DOCK3: variants seen among roughly 807,000 people sequenced by gnomAD.
The protein encoded by DOCK3 is dedicator of cytokinesis 3.
Under a neutral mutation model 265.6 loss-of-function variants are expected in DOCK3, and 60 were observed. That is an observed-to-expected ratio of 0.23 (90% CI 0.18 to 0.28). The LOEUF is 0.28. DOCK3 is among the 10% of genes least tolerant of loss of function. DOCK3 has a pLI of 1.00. For missense variants in DOCK3, 1,981 were observed against 2,594.3 expected, an observed-to-expected ratio of 0.76 and a Z score of 5.14; for synonymous variants, 881 against 938.0, an observed-to-expected ratio of 0.94 and a Z score of 1.11.
chr3:51,037,299 A>T (rs901527631), intron 5 of DOCK3, among the ~76,000 whole-genome samples: 4 of 152,068 alleles, frequency 2.6e-5, no homozygotes, highest in African/African-American at 9.7e-5. Context: ...TCTTTATTTA[A>T]AATTTTTTTT....
At chr3:51,296,482 T>G (rs2082084871) in intron 27 of DOCK3, among the ~76,000 whole-genome samples, 1 of 151,432 alleles carries the variant, frequency 6.6e-6, no homozygotes, top group Non-Finnish European at 1.5e-5. Flanking sequence ...TAAATTGGTT[T>G]TTTTTTTTTT....
At chr3:50,764,181 T>G (rs2040713097) in intron 1 of DOCK3, among the ~76,000 whole-genome samples, 1 of 152,158 alleles carries the variant, frequency 6.6e-6, no homozygotes, top group South Asian at 2.1e-4. Flanking sequence ...TGCTGAGTGC[T>G]TAGTCTGTAT....
chr3:51,118,227 T>C (rs2083835111), intron 9 of DOCK3, among the ~76,000 whole-genome samples: 1 of 152,238 alleles, frequency 6.6e-6, no homozygotes, highest in Non-Finnish European at 1.5e-5. Context: ...CCAGTAGTCA[T>C]TCAGGAGCAG....
intron 5 of DOCK3, among the ~76,000 whole-genome samples, chr3:51,012,436 A>G (rs2078989618): frequency 6.6e-6 from 1 of 152,010 alleles, no homozygotes; most frequent in Admixed American, 6.6e-5. Flanking sequence ...TGGGTGTGGG[A>G]CCCTCCAAGC....
intron 12 of DOCK3, among the ~76,000 whole-genome samples, chr3:51,202,741 T>C (rs58916383): frequency 0.02 from 3,020 of 151,012 alleles, 109 homozygotes; most frequent in African/African-American, 0.071. Flanking sequence ...ACCAATATCC[T>C]TGATGAACAT....
chr3:50,762,017 A>G (rs2040562677), intron 1 of DOCK3, among the ~76,000 whole-genome samples: 1 of 152,178 alleles, frequency 6.6e-6, no homozygotes, highest in African/African-American at 2.4e-5. Flanking sequence ...CAGAAAACCA[A>G]ACACCGCATG....
chr3:51,246,799 G>T lies in DOCK3; in HGVS notation c.2176G>T (p.Ala726Ser). 1 of 1,612,958 alleles carries T rather than the reference G, an allele frequency of 6.2e-7. No homozygotes were observed. Among genetic ancestry groups the T allele is most frequent in the Non-Finnish European group, 8.5e-7 (1 of 1,179,476 alleles). The change falls in exon 22 of 53, where the codon GCT (alanine) becomes TCT (serine). Residue 726 changes from alanine (A) to serine (S), a missense_variant. Ala to Ser is a moderately conservative substitution (Grantham distance 99). This residue lies in a region of DOCK3 where 1,357 missense variants were observed against 1,866.8 expected (regional missense o/e 0.73). Transcript: ENST00000266037. The part of the protein sequence containing the change: ...ELIRQDHIQE[A>S]MRALEYLFKF... ...GATTCGACAGGACCACATTCAAGAA[G>T]CTATGCGGGTAATGTACTAACCTCT...
At chr3:50,746,628 C>T (rs2039462602) in intron 1 of DOCK3, among the ~76,000 whole-genome samples, 1 of 152,116 alleles carries the variant, frequency 6.6e-6, no homozygotes, top group South Asian at 2.1e-4. Context: ...TTAATTGGTT[C>T]ACAGTTCTGC....
At position 51,015,899 on chromosome 3, in the gene DOCK3, CATATATATG is replaced by C. The variant is rs2079167199; in HGVS notation, c.316-48540_316-48532del. Among the ~76,000 whole-genome samples, 3 of 4,986 alleles carry C rather than the reference CATATATATG, an allele frequency of 6.0e-4. 1 individual carries two copies. The highest frequency in any genetic ancestry group is 2.8e-3 in the African/African-American group (3 of 1,078). 3.3% of individuals were successfully genotyped at this position (4,986 alleles called of 152,430 possible). A position where few individuals can be genotyped will look rare whatever the true frequency, so the allele number is the denominator to read the frequency against. On this transcript the variant is annotated intron_variant, in intron 5 of 52. Coordinates refer to ENST00000266037, the MANE Select transcript of DOCK3 (RefSeq NM_004947.5). ...ATATATTTCTATATATGATATATAT[CATATATATG>C]ATATATATATCATATATTTCTATAT...
chr3:50,888,136 TA>T lies in DOCK3; in HGVS notation c.163-1888del, dbSNP rs1293785176. On this transcript the variant is annotated intron_variant, in intron 3 of 52. Transcript: ENST00000266037. ...CCATTGTGTCAGCCCAAAATCTCCT[TA>T]AGCTGATAAGCAACTTCAGCAAAGT... Among the ~76,000 whole-genome samples the T allele has an allele frequency of 2.0e-5, 3 of 152,218 alleles. No individual in the cohort carries two copies. In the East Asian group the frequency reaches 5.8e-4, roughly 29 times the overall value.
At chr3:51,233,307 ATTCTTTCT>A (rs58346749) in intron 19 of DOCK3, among the ~76,000 whole-genome samples, 6 of 148,816 alleles carry the variant, frequency 4.0e-5, no homozygotes, top group Admixed American at 2.0e-4. Context: ...TTTTAGCAGT[ATTCTTTCT>A]TTCTATCTAT....
chr3:51,360,095 A>G (rs1225596763), intron 46 of DOCK3, among the ~76,000 whole-genome samples: 1 of 152,198 alleles, frequency 6.6e-6, no homozygotes, highest in African/African-American at 2.4e-5. Context: ...TTAGCAGTCT[A>G]ATAAAACCCA....
chr3:51,279,744 T>C (rs571249416), intron 26 of DOCK3, among the ~76,000 whole-genome samples: 1 of 152,306 alleles, frequency 6.6e-6, no homozygotes, highest in Non-Finnish European at 1.5e-5. Flanking sequence ...CAGAGAGGGT[T>C]AAGCTCTCCC....
At chr3:50,695,267 G>A (rs1244352596) in intron 1 of DOCK3, among the ~76,000 whole-genome samples, 2 of 152,200 alleles carry the variant, frequency 1.3e-5, no homozygotes, top group Non-Finnish European at 2.9e-5. Flanking sequence ...TAAGCCAGAA[G>A]GAACTCAGTT....
chr3:51,351,114 T>C (rs1473569121), intron 40 of DOCK3, among the ~76,000 whole-genome samples: 1 of 152,224 alleles, frequency 6.6e-6, no homozygotes, highest in East Asian at 1.9e-4. Flanking sequence ...TCAGAGGCTC[T>C]AGGAGTAGTC....
chr3:51,175,600 C>T (rs1393380409), intron 12 of DOCK3, among the ~76,000 whole-genome samples: 1 of 151,944 alleles, frequency 6.6e-6, no homozygotes, highest in African/African-American at 2.4e-5. Flanking sequence ...ACAGATGTAT[C>T]TCCCAGCAGG....
intron 5 of DOCK3, among the ~76,000 whole-genome samples, chr3:51,056,279 C>T (rs1003447767): frequency 4.6e-5 from 7 of 152,158 alleles, no homozygotes; most frequent in Admixed American, 2.6e-4. Context: ...GACGGAGTCT[C>T]GCTCTGTTCC....
At chr3:50,889,434 G>A (rs1442327204) in intron 3 of DOCK3, among the ~76,000 whole-genome samples, 2 of 150,322 alleles carry the variant, frequency 1.3e-5, no homozygotes, top group Non-Finnish European at 3.0e-5. Context: ...AGATGGGGGC[G>A]AAACATTGAT....
intron 27 of DOCK3, among the ~76,000 whole-genome samples, chr3:51,283,176 C>T (rs555054666): frequency 2.6e-5 from 4 of 152,244 alleles, no homozygotes; most frequent in Middle Eastern, 3.4e-3. Flanking sequence ...AGATCCTTAC[C>T]CACCAGGCAA....
Sources: allele counts gnomAD v4.1 joint callset (sites outside exome capture counted in the v4.1 genomes callset), GRCh38; gene constraint gnomAD v4.1.1; regional missense constraint gnomAD v4.1.1; transcripts MANE v1.5; gene names NCBI Gene and HGNC (gene_info 2026-07-23, HGNC 2026-07-21).